The following PRIMPOL variants were observed in gnomAD, a reference collection of about 807,000 sequenced individuals.
PRIMPOL encodes primase and DNA directed polymerase, also known as DNA-directed primase/polymerase protein.
Under a neutral mutation model 63.6 loss-of-function variants are expected in PRIMPOL, and 54 were observed. That is an observed-to-expected ratio of 0.85 (90% CI 0.68 to 1.07). The LOEUF (loss-of-function observed/expected upper bound fraction) is 1.07. Among genes scored for constraint, PRIMPOL ranks in the 50% least tolerant of loss-of-function variants. PRIMPOL has a pLI of 0.00. For synonymous variants in PRIMPOL, 197 were observed against 220.2 expected, an observed-to-expected ratio of 0.89 and a Z score of 0.93; for missense variants, 610 against 648.3, an observed-to-expected ratio of 0.94 and a Z score of 0.64.
chr4:184,671,947 A>G (rs896046800), intron 6 of PRIMPOL, among the ~76,000 whole-genome samples: 116 of 151,886 alleles, frequency 7.6e-4, no homozygotes, highest in Non-Finnish European at 1.2e-3. Context: ...TCACCGTGTT[A>G]ACCAGGATGG....
intron 13 of PRIMPOL, among the ~76,000 whole-genome samples, chr4:184,693,523 T>C (rs1759558258): frequency 1.3e-5 from 2 of 152,152 alleles, no homozygotes; most frequent in Admixed American, 6.5e-5. Flanking sequence ...TTGCCTCTCC[T>C]GCTTCATCTT....
At position 184,685,073 on chromosome 4, in the gene PRIMPOL, C is replaced by T. The variant is rs572946352; in HGVS notation, c.1097-336C>T. On this transcript the variant is annotated intron_variant, in intron 9 of 13. Coordinates refer to ENST00000314970, the MANE Select transcript of PRIMPOL (RefSeq NM_152683.4). ...CAGGAGAATGCCCGGCTGAGGTAGG[C>T]GTGCCAGGCTAGTGCATGGCAACAC... Among the ~76,000 whole-genome samples, 13 of 152,242 alleles carry T rather than the reference C, an allele frequency of 8.5e-5. No homozygotes were observed. In the South Asian group the frequency reaches 1.9e-3, roughly 22 times the overall value.
chr4:184,691,791 C>A, intron 13 of PRIMPOL, 79 bp downstream of exon 13: 2 of 1,076,068 alleles, frequency 1.9e-6, no homozygotes, highest in Non-Finnish European at 2.8e-6. Context: ...GAGTAGTGTC[C>A]AAATAGCATT....
intron 6 of PRIMPOL, among the ~76,000 whole-genome samples, chr4:184,671,428 A>G (rs188510153): frequency 1.4e-3 from 205 of 151,054 alleles, no homozygotes; most frequent in African/African-American, 3.6e-3. Context: ...CTTCATATAA[A>G]CCTTCATTCT....
At chr4:184,660,389 C>T (rs1166711945) in intron 4 of PRIMPOL, among the ~76,000 whole-genome samples, 3 of 151,920 alleles carry the variant, frequency 2.0e-5, no homozygotes, top group Non-Finnish European at 2.9e-5. Flanking sequence ...TTATATTGGT[C>T]AGGCTGCTCT....
intron 13 of PRIMPOL, 78 bp from the exon 14 acceptor site, chr4:184,694,444 A>C: frequency 6.6e-7 from 1 of 1,508,268 alleles, no homozygotes; most frequent in Middle Eastern, 1.8e-4. Flanking sequence ...ACTTCAACAT[A>C]GAGTATAAGG....
intron 3 of PRIMPOL, among the ~76,000 whole-genome samples, chr4:184,658,010 A>G (rs1033418562): frequency 2.7e-5 from 4 of 148,592 alleles, no homozygotes; most frequent in African/African-American, 1.0e-4. Flanking sequence ...AAATAAATAA[A>G]TAAATAAATA....
rs145813406 is a variant in PRIMPOL at position 184,656,677 on chromosome 4, T to TCATA, written c.-59-404_-59-401dup. On this transcript the variant is annotated intron_variant, in intron 2 of 13. Transcript: ENST00000314970. ...ATAGCACAAGAATGGGTGGACAAGG[T>TCATA]CATAGCACGTGATACAATAAAATGG... Among the ~76,000 whole-genome samples the TCATA allele has an allele frequency of 5.2e-3, 797 of 152,248 alleles. 6 individuals carry two copies. The highest frequency in any genetic ancestry group is 0.019 in the African/African-American group (774 of 41,542).
chr4:184,683,823 A>G (rs1756297843), intron 9 of PRIMPOL, among the ~76,000 whole-genome samples: 1 of 152,206 alleles, frequency 6.6e-6, no homozygotes, highest in African/African-American at 2.4e-5. Context: ...CAGCAATCTA[A>G]ATGTACAACA....
chr4:184,689,079 C>T (rs1343887899), intron 11 of PRIMPOL, among the ~76,000 whole-genome samples: 2 of 149,732 alleles, frequency 1.3e-5, no homozygotes, highest in Non-Finnish European at 2.9e-5. Flanking sequence ...GGGTCTCGCC[C>T]TGTCGCCCAG....
intron 8 of PRIMPOL, among the ~76,000 whole-genome samples, chr4:184,679,577 G>T (rs1282641931): frequency 2.0e-5 from 3 of 152,208 alleles, no homozygotes; most frequent in Non-Finnish European, 4.4e-5. Flanking sequence ...TTTAAATAAT[G>T]TGTGATGAAT....
At chr4:184,660,153 A>G (rs1045514319) in intron 4 of PRIMPOL, among the ~76,000 whole-genome samples, 8 of 150,750 alleles carry the variant, frequency 5.3e-5, no homozygotes, top group Non-Finnish European at 1.2e-4. Context: ...TGATCTATTC[A>G]AGTATTTCTT....
chr4:184,672,160 C>T lies in PRIMPOL; in HGVS notation c.557-13C>T, dbSNP rs1463174539. 6.2e-7 allele frequency: 1 copy of T among 1,601,498 alleles called. No homozygotes were observed. Among genetic ancestry groups the T allele is most frequent in the Non-Finnish European group, 8.5e-7 (1 of 1,174,662 alleles). On this transcript the variant is annotated splice_polypyrimidine_tract_variant and intron_variant, in intron 6 of 13. Transcript: ENST00000314970. ...AGAAGATCCAGGTGAATGATAATAG[C>T]TTTTTTCCTTAGGTAATTTTTTGAG...
chr4:184,657,118 A>C lies in PRIMPOL; in HGVS notation c.-23A>C, dbSNP rs1015230764. The C allele has an allele frequency of 6.5e-7, 1 of 1,537,760 alleles. No homozygotes were observed. Among genetic ancestry groups the C allele is most frequent in the African/African-American group, 1.4e-5 (1 of 71,788 alleles). On this transcript the variant is annotated 5_prime_UTR_variant, in exon 3 of 14. Transcript: ENST00000314970. ...AGAAATATTACGTGGGATAGGATTT[A>C]TTCTCTCCACACTTCTGAACCAATG...
chr4:184,685,359 C>T (rs1409189787), intron 9 of PRIMPOL, 50 bp from the exon 10 acceptor site: 1 of 1,339,866 alleles, frequency 7.5e-7, no homozygotes, highest in East Asian at 2.3e-5. Context: ...CAAAATTTAA[C>T]TTCTCAACTT....
chr4:184,663,051 A>ATTATTATTG (rs1286628119), intron 5 of PRIMPOL, among the ~76,000 whole-genome samples: 1 of 146,394 alleles, frequency 6.8e-6, no homozygotes, highest in Non-Finnish European at 1.5e-5. Context: ...TATTATTATT[A>ATTATTATTG]TTATTATTTC....
chr4:184,673,259 A>G (rs1202188796), intron 7 of PRIMPOL, among the ~76,000 whole-genome samples: 4 of 150,930 alleles, frequency 2.7e-5, no homozygotes, highest in African/African-American at 9.8e-5. Flanking sequence ...CCTCCGGAGT[A>G]GCTGGGACTA....
intron 7 of PRIMPOL, among the ~76,000 whole-genome samples, chr4:184,676,312 CTCCCTTCCCTTTCCT>C (rs1482259421): frequency 7.9e-6 from 1 of 125,994 alleles, no homozygotes; most frequent in African/African-American, 3.4e-5. Context: ...CTGCCTTCCC[CTCCCTTCCCTTTCCT>C]TCCCTTCCCT....
intron 11 of PRIMPOL, among the ~76,000 whole-genome samples, chr4:184,691,067 T>TCTTA (rs1758385633): frequency 6.6e-6 from 1 of 152,340 alleles, no homozygotes; most frequent in East Asian, 1.9e-4. Flanking sequence ...AGATCAAACT[T>TCTTA]CTTAATTGCT....
Sources: gnomAD v4.1 joint callset for allele counts (sites outside exome capture counted in the v4.1 genomes callset) on GRCh38, gnomAD v4.1.1 for gene constraint, MANE v1.5 for transcripts, NCBI Gene and HGNC (gene_info 2026-07-23, HGNC 2026-07-21) for gene names.